Variants in UBA2 observed in about 807,000 individuals in gnomAD.
The protein encoded by UBA2 is SUMO-activating enzyme subunit 2.
Under a neutral mutation model 77.2 loss-of-function variants are expected in UBA2, and 11 were observed. The ratio of observed to expected loss-of-function variants is 0.14; its 90% CI spans 0.09 to 0.24. The LOEUF (loss-of-function observed/expected upper bound fraction) is 0.24, where lower values mean the gene tolerates loss of function less well. Among genes scored for constraint, UBA2 ranks in the 10% least tolerant of loss-of-function variants. The pLI is 1.00. For missense variants in UBA2, 487 were observed against 781.7 expected (o/e 0.62, Z 4.50); for synonymous variants, 278 against 276.7 (o/e 1.00, Z -0.05).
rs758939673 is a variant in UBA2 at position 34,466,896 on chromosome 19, C to A, written c.1623C>A (p.Asp541Glu). ...NILHSEDLGKDVEFEVVGDAP... is the reference protein window; with the variant it reads ...NILHSEDLGKEVEFEVVGDAP... ...CCTACAGTGAAGACCTAGGAAAGGA[C>A]GTTGAATTTGAAGTTGTTGGTGATG... is the stretch of plus-strand genomic sequence containing the variant. The change falls in exon 16 of 17, where the codon GAC becomes GAA. Residue 541 changes from aspartate to glutamate, a missense_variant. Coordinates refer to ENST00000246548, the MANE Select transcript of UBA2 (RefSeq NM_005499.3). 6.2e-7 allele frequency: 1 copy of A among 1,613,072 alleles called. No homozygotes were observed. The highest frequency in any genetic ancestry group is 8.5e-7 in the Non-Finnish European group (1 of 1,179,958).
In UBA2 at chr19:34,450,742, C is replaced by CTTTTTTTT. The variant is rs59580124; in HGVS notation, c.871+395_871+402dup. Among the ~76,000 whole-genome samples, 58 of 83,430 alleles carry CTTTTTTTT rather than the reference C, an allele frequency of 7.0e-4. 2 individuals are homozygous for CTTTTTTTT. The highest frequency in any genetic ancestry group is 9.8e-4 in the Non-Finnish European group (46 of 47,168). 54.7% of individuals were successfully genotyped at this position (83,430 alleles called of 152,430 possible). A position where few individuals can be genotyped will look rare whatever the true frequency, so the allele number is the denominator to read the frequency against. On this transcript the variant is annotated intron_variant, in intron 9 of 16. Transcript: ENST00000246548. Reference sequence around the variant, plus strand: ...GAAATTGCTATATATTTATGTATATCTTTTTTTTTTTTTTTTTTTTTTTTG... The same window carrying CTTTTTTTT: ...GAAATTGCTATATATTTATGTATATCTTTTTTTTTTTTTTTTTTTTTTTTTTTTTTTTG...
intron 3 of UBA2, 173 bp downstream of exon 3, chr19:34,432,104 G>C (rs2075262781): frequency 4.3e-6 from 2 of 459,940 alleles, no homozygotes; most frequent in Non-Finnish European, 3.8e-6. Flanking sequence ...TACATGGTTT[G>C]AATGATTTAG....
At chr19:34,438,069 C>A (rs561843835) in intron 5 of UBA2, among the ~76,000 whole-genome samples, 2 of 151,932 alleles carry the variant, frequency 1.3e-5, no homozygotes, top group African/African-American at 4.8e-5. Flanking sequence ...CAAAAAGAAA[C>A]GTATATCAAT....
intron 8 of UBA2, among the ~76,000 whole-genome samples, chr19:34,446,858 G>T (rs1016407009): frequency 6.6e-6 from 1 of 151,882 alleles, no homozygotes; most frequent in African/African-American, 2.4e-5. Context: ...TGCCTGCCTC[G>T]GCCTCCCAAA....
chr19:34,455,942 C>T (rs1048440514), intron 12 of UBA2, among the ~76,000 whole-genome samples: 1 of 150,496 alleles, frequency 6.6e-6, no homozygotes, highest in Non-Finnish European at 1.5e-5. Context: ...GCCACTGCGC[C>T]CGGCCTTTTT....
In UBA2 at chr19:34,457,064, C is replaced by G. The variant is rs191740945; in HGVS notation, c.1246-1705C>G. On this transcript the variant is annotated intron_variant, in intron 12 of 16. Coordinates refer to ENST00000246548, the MANE Select transcript of UBA2 (RefSeq NM_005499.3). Reference sequence around the variant, plus strand: ...ATATATCTGGCCGGGCACGATGGCTCACACGTGTAATCCCAGCTCTTTGGG... The same window carrying G: ...ATATATCTGGCCGGGCACGATGGCTGACACGTGTAATCCCAGCTCTTTGGG... Among the ~76,000 whole-genome samples the G allele has an allele frequency of 3.0e-3, 455 of 149,224 alleles. 4 individuals are homozygous for G. Among genetic ancestry groups the G allele is most frequent in the Admixed American group, 0.028 (420 of 14,950 alleles).
intron 15 of UBA2, among the ~76,000 whole-genome samples, chr19:34,464,954 C>T (rs2075672104): frequency 6.6e-6 from 1 of 151,946 alleles, no homozygotes; most frequent in Non-Finnish European, 1.5e-5. Flanking sequence ...CCTGTAATCC[C>T]AGAAACTTAG....
intron 3 of UBA2, 78 bp from the exon 4 acceptor site, chr19:34,433,270 T>C (rs2075275137): frequency 3.9e-6 from 4 of 1,028,486 alleles, no homozygotes; most frequent in Admixed American, 4.0e-5. Flanking sequence ...TATGTTTTTT[T>C]CAGAACTGTT....
rs1354703084 is a variant in UBA2, at chr19:34,454,794, A to G, written c.1245+238A>G. ...TTTCCAATTTTACTGAATTCTTCGA[A>G]GAATTCATTGTGCGGTCCTTATACT... On this transcript the variant is annotated intron_variant, in intron 12 of 16. Transcript: ENST00000246548. 4.6e-5 allele frequency among the ~76,000 whole-genome samples: 7 copies of G among 152,244 alleles called. No individual in the cohort carries two copies. In the South Asian group the frequency reaches 8.3e-4, roughly 18 times the overall value.
At chr19:34,458,391 T>TAA (rs1195539359) in intron 12 of UBA2, among the ~76,000 whole-genome samples, 3 of 144,334 alleles carry the variant, frequency 2.1e-5, no homozygotes, top group East Asian at 4.0e-4. Flanking sequence ...CCGTCTCTAC[T>TAA]AAAAAAAAAA....
At chr19:34,456,703 G>A (rs1023709978) in intron 12 of UBA2, among the ~76,000 whole-genome samples, 2 of 151,356 alleles carry the variant, frequency 1.3e-5, no homozygotes, top group African/African-American at 2.4e-5. Context: ...GATTACAGGC[G>A]GGTGCCACCA....
intron 8 of UBA2, among the ~76,000 whole-genome samples, chr19:34,448,665 A>G (rs147840845): frequency 3.3e-5 from 5 of 152,268 alleles, no homozygotes; most frequent in South Asian, 2.1e-4. Context: ...AGAAGGTGAT[A>G]ATAATCAATT....
At chr19:34,455,038 A>C (rs2075542911) in intron 12 of UBA2, among the ~76,000 whole-genome samples, 1 of 152,088 alleles carries the variant, frequency 6.6e-6, no homozygotes. Flanking sequence ...ATGGTTTATG[A>C]TTTTTTAAAA....
chr19:34,440,031 AACTT>A (rs1378923461), intron 6 of UBA2, among the ~76,000 whole-genome samples: 1 of 152,110 alleles, frequency 6.6e-6, no homozygotes, highest in Non-Finnish European at 1.5e-5. Context: ...CATTTTTAAA[AACTT>A]ACTAAGTGCC....
At chr19:34,436,402 C>T (rs2075309027) in intron 5 of UBA2, among the ~76,000 whole-genome samples, 1 of 152,090 alleles carries the variant, frequency 6.6e-6, no homozygotes, top group Non-Finnish European at 1.5e-5. Flanking sequence ...CTGGTTCAAG[C>T]GATTCTCCTG....
rs1017611862 is a variant in UBA2 at position 34,464,026 on chromosome 19, C to G, written c.1499C>G (p.Ala500Gly). 4.4e-6 allele frequency: 7 copies of G among 1,604,280 alleles called. No homozygotes were observed. Among genetic ancestry groups the G allele is most frequent in the Non-Finnish European group, 6.0e-6 (7 of 1,171,204 alleles). Reference sequence around the variant, plus strand: ...TATCTAAATTATTCACGTTTCCTAGCTAATAATCACAAGAAGTTGTCAGAA... The same window carrying G: ...TATCTAAATTATTCACGTTTCCTAGGTAATAATCACAAGAAGTTGTCAGAA... Reference protein sequence around the residue: ...LISSEEGETEANNHKKLSEFG... With the variant: ...LISSEEGETEGNNHKKLSEFG... The change falls in exon 15 of 17, where the codon GCT (alanine) becomes GGT (glycine). Residue 500 changes from alanine to glycine, a missense_variant and splice_region_variant. By Grantham distance (60) the Ala-to-Gly change is moderately conservative. This residue lies in a region of UBA2 where 300 missense variants were observed against 454.3 expected (regional missense o/e 0.66). Coordinates refer to ENST00000246548, the MANE Select transcript of UBA2 (RefSeq NM_005499.3).
intron 5 of UBA2, 95 bp from the exon 6 acceptor site, chr19:34,438,549 TA>T (rs2075334920): frequency 7.0e-7 from 1 of 1,437,810 alleles, no homozygotes; most frequent in African/African-American, 1.4e-5. Flanking sequence ...ACGTAAAACG[TA>T]GTTGGAATAT....
intron 15 of UBA2, among the ~76,000 whole-genome samples, chr19:34,465,189 A>G (rs1392575299): frequency 6.6e-6 from 1 of 152,192 alleles, no homozygotes; most frequent in Admixed American, 6.5e-5. Context: ...CTTGAGATTT[A>G]TGGGTAGCAT....
chr19:34,444,861 T>C (rs945096608), intron 7 of UBA2, 139 bp from the exon 8 acceptor site: 6 of 859,836 alleles, frequency 7.0e-6, no homozygotes, highest in Admixed American at 3.0e-5. Flanking sequence ...GAATGTGTTA[T>C]TTTCTTATTC....
Sources: gnomAD v4.1 joint callset for allele counts (sites outside exome capture counted in the v4.1 genomes callset) on GRCh38, gnomAD v4.1.1 for gene constraint, gnomAD v4.1.1 regional missense constraint, MANE v1.5 for transcripts, NCBI Gene and HGNC (gene_info 2026-07-23, HGNC 2026-07-21) for gene names.